TBATA: variants seen among roughly 807,000 people sequenced by gnomAD.
TBATA encodes the protein thymus, brain and testes associated, also known as protein TBATA.
TBATA carries 47 observed loss-of-function variants against 38.7 expected under a neutral mutation model. The ratio of observed to expected loss-of-function variants is 1.21; its 90% CI spans 0.96 to 1.55. The LOEUF (loss-of-function observed/expected upper bound fraction) is 1.55, where lower values mean the gene tolerates loss of function less well. TBATA is among the 40% of genes most tolerant of loss of function. The probability of loss-of-function intolerance (pLI) is 0.00; values close to 1 mark genes in which losing one functional copy is unlikely to be tolerated. For synonymous variants in TBATA, 183 were observed against 170.5 expected (o/e 1.07, Z -0.57); for missense variants, 436 against 435.6 (o/e 1.00, Z -0.01).
At chr10:70,782,283 G>T in intron 3 of TBATA, 1 of 1,491,790 alleles carries the variant, frequency 6.7e-7, no homozygotes, top group Non-Finnish European at 9.0e-7. Context: ...AGGGAACTCA[G>T]ACTCTCCCAG....
chr10:70,782,096 G>T, intron 3 of TBATA, 60 bp from the exon 4 acceptor site: 1 of 1,551,342 alleles, frequency 6.4e-7, no homozygotes, highest in Non-Finnish European at 8.8e-7. Flanking sequence ...GGCCCACCTG[G>T]GCTCAGAGCT....
rs559621275 is a variant in TBATA, at chr10:70,779,614, G to A, written c.406C>T (p.Arg136Trp). The change falls in exon 5 of 11, where the codon CGG becomes TGG. Residue 136 changes from arginine (R) to tryptophan (W), a missense_variant. By Grantham distance (101) the Arg-to-Trp change is moderately radical. Coordinates refer to ENST00000456372, the MANE Select transcript of TBATA (RefSeq NM_001318241.2). Reference sequence around the variant, plus strand: ...CCACCAGAAGAAAGCTGGGGGTTCCGATTAGACTGTGGGTCTCCAATGGGG... The same window carrying A: ...CCACCAGAAGAAAGCTGGGGGTTCCAATTAGACTGTGGGTCTCCAATGGGG... ...SVPIGDPQSN[R>W]NPQLSSEAWK... is the part of the protein sequence containing the mutation. 62 of 1,517,764 alleles carry A rather than the reference G, an allele frequency of 4.1e-5. No homozygotes were observed. The highest frequency in any genetic ancestry group is 1.7e-4 in the Middle Eastern group (1 of 5,794). The allele number at this position is 1,517,764 out of a possible 1,614,324, so 94.0% of individuals were successfully genotyped here. A position where few individuals can be genotyped will look rare whatever the true frequency, so the allele number is the denominator to read the frequency against.
chr10:70,782,639 G>A, intron 3 of TBATA: 1 of 985,468 alleles, frequency 1.0e-6, no homozygotes, highest in Non-Finnish European at 1.2e-6. Context: ...CTGTGGCGCT[G>A]AGGGAAGCTT....
chr10:70,781,669 G>T, intron 4 of TBATA, 132 bp downstream of exon 4: 1 of 880,644 alleles, frequency 1.1e-6, no homozygotes, highest in Non-Finnish European at 1.8e-6. Flanking sequence ...TTCTTTGGCA[G>T]CCCTGGGATC....
At chr10:70,779,963 G>C (rs1451070587) in intron 4 of TBATA, among the ~76,000 whole-genome samples, 1 of 152,184 alleles carries the variant, frequency 6.6e-6, no homozygotes, top group Non-Finnish European at 1.5e-5. Flanking sequence ...GGCCCGCTCA[G>C]GGCCACACTG....
intron 8 of TBATA, among the ~76,000 whole-genome samples, 162 bp from the exon 9 acceptor site, chr10:70,774,519 T>C (rs1212493787): frequency 6.6e-6 from 1 of 152,060 alleles, no homozygotes; most frequent in Non-Finnish European, 1.5e-5. Context: ...TCCTGGCCCA[T>C]GTGTGCAGAG....
At chr10:70,772,179 C>G (rs1200704938) in intron 10 of TBATA, 1 of 525,552 alleles carries the variant, frequency 1.9e-6, no homozygotes, top group African/African-American at 1.9e-5. Flanking sequence ...CTTCTCACTA[C>G]TGACCACAGA....
intron 4 of TBATA, among the ~76,000 whole-genome samples, chr10:70,780,189 C>A (rs903463845): frequency 9.2e-5 from 14 of 152,144 alleles, no homozygotes; most frequent in African/African-American, 3.4e-4. Flanking sequence ...TTGAGCCACA[C>A]CCTCTGCAGA....
chr10:70,774,207 GC>G lies in TBATA; in HGVS notation c.920+5del, dbSNP rs748772627. On this transcript the variant is annotated splice_donor_5th_base_variant and intron_variant, in intron 9 of 10. Transcript: ENST00000456372. ...GCAGAAGGGCAGGGCGGGGTGCGGG[GC>G]CCACCTGCAGGGTGGCTCTTGCTTC... 3 of 1,611,564 alleles carry G rather than the reference GC, an allele frequency of 1.9e-6. No homozygotes were observed. Among genetic ancestry groups the G allele is most frequent in the Non-Finnish European group, 2.5e-6 (3 of 1,179,446 alleles).
intron 4 of TBATA, among the ~76,000 whole-genome samples, chr10:70,780,558 C>G (rs374313617): frequency 1.3e-5 from 2 of 151,924 alleles, no homozygotes; most frequent in South Asian, 4.2e-4. Flanking sequence ...CCAGGCCCAC[C>G]ACTTGAAACA....
At position 70,775,282 on chromosome 10, in the gene TBATA, A is replaced by C. The variant is rs1282147561; in HGVS notation, c.694-12T>G. On this transcript the variant is annotated splice_polypyrimidine_tract_variant and intron_variant, in intron 7 of 10. Coordinates refer to ENST00000456372, the MANE Select transcript of TBATA (RefSeq NM_001318241.2). The stretch of plus-strand genomic sequence containing the variant: ...AGGAGCTCCAGGACCTGTGGGCAGG[A>C]GGCCAGCACATTCCAGCCAGGAGTA... 11 of 1,611,860 alleles carry C rather than the reference A, an allele frequency of 6.8e-6. No individual in the cohort carries two copies. The highest frequency in any genetic ancestry group is 9.3e-6 in the Non-Finnish European group (11 of 1,177,994).
chr10:70,775,928 C>G lies in TBATA; in HGVS notation c.694-658G>C, dbSNP rs145374079. On this transcript the variant is annotated intron_variant, in intron 7 of 10. Transcript: ENST00000456372. Reference sequence around the variant, plus strand: ...TCAGTCTTTGACATCTTTGCTACTTCCGGGCTCATTTTCCCCTGCGTTCTC... The same window carrying G: ...TCAGTCTTTGACATCTTTGCTACTTGCGGGCTCATTTTCCCCTGCGTTCTC... Among the ~76,000 whole-genome samples, 596 of 152,334 alleles carry G rather than the reference C, an allele frequency of 3.9e-3. 8 individuals are homozygous for G. In the South Asian group the frequency reaches 0.039, roughly 10 times the overall value.
In TBATA at chr10:70,779,872, A is replaced by G. The variant is rs1248695580; in HGVS notation, c.278-130T>C. The G allele has an allele frequency of 4.0e-6, 4 of 991,298 alleles. No homozygotes were observed. The African/African-American group carries it at 5.2e-5, about 13-fold the overall frequency. The allele number at this position is 991,298 out of a possible 1,614,324, so 61.4% of individuals were successfully genotyped here. A position where few individuals can be genotyped will look rare whatever the true frequency, so the allele number is the denominator to read the frequency against. ...TCCAGTAACCACCAGCTGATAGATTATCAGAGCTGGGAGGGCATTGTAACC... is the reference window on the plus strand; with the variant it reads ...TCCAGTAACCACCAGCTGATAGATTGTCAGAGCTGGGAGGGCATTGTAACC... On this transcript the variant is annotated intron_variant, in intron 4 of 10. Transcript: ENST00000456372.
chr10:70,781,346 C>T (rs146520924), intron 4 of TBATA, among the ~76,000 whole-genome samples: 2 of 152,354 alleles, frequency 1.3e-5, no homozygotes, highest in African/African-American at 4.8e-5. Context: ...ATCTCCCATC[C>T]CTCCCCACTG....
chr10:70,777,511 C>T (rs868468345), intron 6 of TBATA, among the ~76,000 whole-genome samples, 173 bp from the exon 7 acceptor site: 2 of 150,934 alleles, frequency 1.3e-5, no homozygotes, highest in East Asian at 2.0e-4. Flanking sequence ...GCCACCCCCC[C>T]AACCTCACCT....
At chr10:70,782,507 T>A (rs1844373204) in intron 3 of TBATA, 10 of 1,281,652 alleles carry the variant, frequency 7.8e-6, no homozygotes, top group Non-Finnish European at 1.0e-5. Context: ...TCAGGAGTAG[T>A]CTTGGCTCAG....
At chr10:70,774,011 G>C (rs1331426567) in intron 9 of TBATA, among the ~76,000 whole-genome samples, 1 of 152,210 alleles carries the variant, frequency 6.6e-6, no homozygotes, top group Non-Finnish European at 1.5e-5. Context: ...CTGGCAGTTT[G>C]GGGGCTGGTC....
Position 70,778,773 on chromosome 10 carries a change from G to A in TBATA, c.428-137C>T, listed in dbSNP as rs565888708. 5.4e-4 allele frequency: 430 copies of A among 790,348 alleles called. 1 individual carries two copies. In the African/African-American group the frequency reaches 6.6e-3, roughly 12 times the overall value. 49.0% of individuals were successfully genotyped at this position (790,348 alleles called of 1,614,324 possible). ...GATCTTAAAGGGAAAGGGGGAGGCG[G>A]TGCCCTGGAGGGAGAAGGATCTGGA... On this transcript the variant is annotated intron_variant, in intron 5 of 10. Transcript: ENST00000456372.
intron 10 of TBATA, among the ~76,000 whole-genome samples, chr10:70,771,723 T>C (rs1484958053): frequency 6.6e-6 from 1 of 152,198 alleles, no homozygotes; most frequent in Non-Finnish European, 1.5e-5. Context: ...CTCTGGACCT[T>C]TGATGGTCTA....
Sources: gnomAD v4.1 joint callset for allele counts (sites outside exome capture counted in the v4.1 genomes callset) on GRCh38, gnomAD v4.1.1 for gene constraint, MANE v1.5 for transcripts, NCBI Gene and HGNC (gene_info 2026-07-23, HGNC 2026-07-21) for gene names.